BIRC6: variants seen among roughly 807,000 people sequenced by gnomAD.
The protein encoded by BIRC6 is dual E2 ubiquitin-conjugating enzyme/E3 ubiquitin-protein ligase BIRC6.
A neutral mutation model predicts 503.3 loss-of-function variants in BIRC6; 98 were observed. The observed-to-expected ratio is 0.19, with a 90% CI of 0.17 to 0.23. BIRC6 has a LOEUF of 0.23. Among genes scored for constraint, BIRC6 ranks in the 10% least tolerant of loss-of-function variants. The pLI is 1.00. For missense variants in BIRC6, 5,360 were observed against 5,806.0 expected (o/e 0.92, Z 2.50); for synonymous variants, 2,240 against 2,078.7 (o/e 1.08, Z -2.11).
intron 5 of BIRC6, among the ~76,000 whole-genome samples, chr2:32,395,038 G>A (rs917698902): frequency 1.2e-4 from 19 of 152,178 alleles, no homozygotes; most frequent in African/African-American, 4.6e-4. Context: ...TGTAGTCCCA[G>A]CCACTCGGGA....
intron 3 of BIRC6, among the ~76,000 whole-genome samples, chr2:32,381,640 G>A (rs2037677149): frequency 6.6e-6 from 1 of 151,390 alleles, no homozygotes; most frequent in Admixed American, 6.6e-5. Context: ...CCGCCTCGTG[G>A]ATTCAAGCTA....
intron 40 of BIRC6, 82 bp downstream of exon 40, chr2:32,485,841 A>AT: frequency 2.1e-6 from 2 of 931,726 alleles, no homozygotes; most frequent in Admixed American, 4.5e-5. Context: ...TCAAGGACAG[A>AT]TTTTTAAATT....
At chr2:32,609,863 T>C (rs1460037970) in intron 72 of BIRC6, among the ~76,000 whole-genome samples, 1 of 152,142 alleles carries the variant, frequency 6.6e-6, no homozygotes, top group Non-Finnish European at 1.5e-5. Flanking sequence ...TATGTATAAT[T>C]TGAGACAATC....
At chr2:32,423,280 T>A (rs993155798) in intron 10 of BIRC6, among the ~76,000 whole-genome samples, 2 of 152,162 alleles carry the variant, frequency 1.3e-5, no homozygotes, top group Non-Finnish European at 2.9e-5. Context: ...GGTTATAATT[T>A]TTTTTTTCTT....
intron 60 of BIRC6, 52 bp downstream of exon 60, chr2:32,529,876 G>A: frequency 1.6e-6 from 2 of 1,215,974 alleles, no homozygotes; most frequent in Non-Finnish European, 2.2e-6. Flanking sequence ...CAAAGAGGCA[G>A]AGATTTCTAT....
rs1158856665 is a variant in BIRC6 at position 32,535,150 on chromosome 2, CAAAAAAAAAAA to C, written c.12291+3615_12291+3625del. Among the ~76,000 whole-genome samples the C allele has an allele frequency of 4.1e-4, 3 of 7,274 alleles. No individual in the cohort carries two copies. The South Asian group carries it at 0.02, about 48-fold the overall frequency. The allele number at this position is 7,274 out of a possible 152,430, so 4.8% of individuals were successfully genotyped here. Reference sequence around the variant, plus strand: ...ACAAGACCTCATACCCCCAAAAAAGCAAAAAAAAAAAAAAAAAAAAAAAAAAGCTAAGACAA... The same window carrying C: ...ACAAGACCTCATACCCCCAAAAAAGCAAAAAAAAAAAAAAAGCTAAGACAA... On this transcript the variant is annotated intron_variant, in intron 61 of 73. Coordinates refer to ENST00000421745, the MANE Select transcript of BIRC6 (RefSeq NM_016252.4).
At chr2:32,584,284 C>T (rs913425273) in intron 66 of BIRC6, among the ~76,000 whole-genome samples, 3 of 152,190 alleles carry the variant, frequency 2.0e-5, no homozygotes, top group Non-Finnish European at 4.4e-5. Flanking sequence ...AATCCCAGCC[C>T]TTCGGGAGGC....
intron 40 of BIRC6, among the ~76,000 whole-genome samples, chr2:32,486,193 T>C (rs2050973819): frequency 6.6e-6 from 1 of 152,210 alleles, no homozygotes; most frequent in African/African-American, 2.4e-5. Context: ...GGCCTGTTAG[T>C]TGAAAGCCAG....
chr2:32,430,119 A>C (rs1423208300), intron 11 of BIRC6, among the ~76,000 whole-genome samples: 1 of 152,190 alleles, frequency 6.6e-6, no homozygotes, highest in African/African-American at 2.4e-5. Flanking sequence ...TTAAACTTGT[A>C]ATAATTTTAT....
At position 32,456,502 on chromosome 2, in the gene BIRC6, G is replaced by A. The variant is rs145600818; in HGVS notation, c.4753+2560G>A. ...TATTTTTGTCTTGAATATGAATGTG[G>A]AAGTTGATTCACTGCTTCATAGGGT... On this transcript the variant is annotated intron_variant, in intron 23 of 73. Transcript: ENST00000421745. 5.9e-3 allele frequency among the ~76,000 whole-genome samples: 894 copies of A among 152,268 alleles called. 8 individuals are homozygous for A. The highest frequency in any genetic ancestry group is 0.02 in the African/African-American group (850 of 41,532).
intron 23 of BIRC6, among the ~76,000 whole-genome samples, chr2:32,455,025 T>A (rs2047088406): frequency 6.6e-6 from 1 of 152,138 alleles, no homozygotes; most frequent in East Asian, 1.9e-4. Flanking sequence ...GACAAAAAAT[T>A]TGAACTTTCA....
In BIRC6 at chr2:32,357,087, G is replaced by A; in HGVS notation, c.-75G>A. 7.7e-7 allele frequency: 1 copy of A among 1,293,708 alleles called. No homozygotes were observed. The highest frequency in any genetic ancestry group is 1.0e-6 in the Non-Finnish European group (1 of 986,806). 80.1% of individuals were successfully genotyped at this position (1,293,708 alleles called of 1,614,324 possible). A position where few individuals can be genotyped will look rare whatever the true frequency, so the allele number is the denominator to read the frequency against. ...CCGAGTTTGGCCCCTCCGGCCGGGC[G>A]ATCGACGTTCCGCGTGCGTGCGGGC... On this transcript the variant is annotated 5_prime_UTR_variant, in exon 1 of 74. Coordinates refer to ENST00000421745, the MANE Select transcript of BIRC6 (RefSeq NM_016252.4). This position sits in a 1 kb window ranked among gnomAD's most constrained non-coding sequence, Gnocchi z 4.9.
At position 32,357,533 on chromosome 2, in the gene BIRC6, C is replaced by G; in HGVS notation, c.325+47C>G. ...CGGGCGCGAAGCCGGGGAAAGAAGC[C>G]GTCCAGCCCCGGGGCTCGGCCTCGC... On this transcript the variant is annotated intron_variant, in intron 1 of 73. Coordinates refer to ENST00000421745, the MANE Select transcript of BIRC6 (RefSeq NM_016252.4). The surrounding 1 kb of genome is among the most constrained non-coding windows in gnomAD (Gnocchi z 4.9). 6.6e-7 allele frequency: 1 copy of G among 1,521,650 alleles called. No individual in the cohort carries two copies. Among genetic ancestry groups the G allele is most frequent in the Non-Finnish European group, 8.8e-7 (1 of 1,136,564 alleles). 94.3% of individuals were successfully genotyped at this position (1,521,650 alleles called of 1,614,324 possible). A position where few individuals can be genotyped will look rare whatever the true frequency, so the allele number is the denominator to read the frequency against.
rs552288246 is a variant in BIRC6, at chr2:32,511,768, GATTA to G, written c.10346+1139_10346+1142del. Reference sequence around the variant, plus strand: ...GATTTATGTTACTTTTTAATATTTTGATTAATTATGTTTAAAATGAAGTCATTTG... The same window carrying G: ...GATTTATGTTACTTTTTAATATTTTGATTATGTTTAAAATGAAGTCATTTG... On this transcript the variant is annotated intron_variant, in intron 53 of 73. Coordinates refer to ENST00000421745, the MANE Select transcript of BIRC6 (RefSeq NM_016252.4). 5.4e-3 allele frequency among the ~76,000 whole-genome samples: 821 copies of G among 151,660 alleles called. 11 individuals are homozygous for G. The highest frequency in any genetic ancestry group is 0.019 in the African/African-American group (767 of 41,400).
chr2:32,371,339 G>A, intron 1 of BIRC6, among the ~76,000 whole-genome samples: 1 of 150,976 alleles, frequency 6.6e-6, no homozygotes, highest in Non-Finnish European at 1.5e-5. Context: ...GATGGGCATT[G>A]TTAACATTTT....
rs776642094 is a variant in BIRC6, at chr2:32,501,646, C to T, written c.9032-67C>T. The T allele has an allele frequency of 8.8e-6, 12 of 1,357,924 alleles. No homozygotes were observed. In the African/African-American group the frequency reaches 1.5e-4, roughly 17 times the overall value. The allele number at this position is 1,357,924 out of a possible 1,614,324, so 84.1% of individuals were successfully genotyped here. A position where few individuals can be genotyped will look rare whatever the true frequency, so the allele number is the denominator to read the frequency against. The stretch of plus-strand genomic sequence containing the variant: ...TCGGCCTCCCAAAGTGTTGAGATTA[C>T]AGGCATGAGCCACTGCGCCTGGCTG... On this transcript the variant is annotated intron_variant, in intron 46 of 73. Transcript: ENST00000421745.
chr2:32,505,315 A>T, intron 50 of BIRC6, 110 bp downstream of exon 50: 1 of 878,504 alleles, frequency 1.1e-6, no homozygotes, highest in East Asian at 2.7e-5. Context: ...ATTACCAGAG[A>T]GTGTAACTTC....
At chr2:32,562,635 C>CCACTGTTTGTACTG (rs1365340825) in intron 65 of BIRC6, among the ~76,000 whole-genome samples, 15 of 152,170 alleles carry the variant, frequency 9.9e-5, no homozygotes, top group Non-Finnish European at 1.9e-4. Context: ...AACCACTGTT[C>CCACTGTTTGTACTG]TTTGTACTGT....
Position 32,545,789 on chromosome 2 carries a change from A to G in BIRC6, c.12739A>G (p.Ile4247Val), listed in dbSNP as rs1360261807. 1.9e-6 allele frequency: 3 copies of G among 1,613,876 alleles called. No individual in the cohort carries two copies. Among genetic ancestry groups the G allele is most frequent in the South Asian group, 2.2e-5 (2 of 91,080 alleles). Residue 4247 changes from isoleucine to valine, a missense_variant, in exon 63 of 74, where the codon ATT becomes GTT. By Grantham distance (29) the Ile-to-Val change is conservative (BLOSUM62 3). Coordinates refer to ENST00000421745, the MANE Select transcript of BIRC6 (RefSeq NM_016252.4). ...MALEIGALHL[I>V]LVCLSALSHH... Reference sequence around the variant, plus strand: ...ATTGGAAATTGGAGCCTTACACCTCATTCTTGTCTGTCTCTCTGCTTTGAG... The same window carrying G: ...ATTGGAAATTGGAGCCTTACACCTCGTTCTTGTCTGTCTCTCTGCTTTGAG...
Sources: allele counts gnomAD v4.1 joint callset (sites outside exome capture counted in the v4.1 genomes callset), GRCh38; gene constraint gnomAD v4.1.1; non-coding constraint Gnocchi (gnomAD v3.1); transcripts MANE v1.5; gene names NCBI Gene and HGNC (gene_info 2026-07-23, HGNC 2026-07-21).